Variants in CUBN observed in about 807,000 individuals in gnomAD.
The protein encoded by CUBN is cubilin.
Under a neutral mutation model 405.3 loss-of-function variants are expected in CUBN, and 282 were observed. The ratio of observed to expected loss-of-function variants is 0.70; its 90% CI spans 0.63 to 0.77. The LOEUF is 0.77. Ranked by LOEUF, CUBN falls within the 30% of genes least tolerant of loss-of-function variation. CUBN has a pLI of 0.00. For missense variants in CUBN, 4,514 were observed against 4,475.2 expected (o/e 1.01, Z -0.25); for synonymous variants, 1,684 against 1,617.0 (o/e 1.04, Z -0.99).
At chr10:16,858,278 G>T (rs1429818694) in intron 59 of CUBN, among the ~76,000 whole-genome samples, 2 of 152,052 alleles carry the variant, frequency 1.3e-5, no homozygotes, top group African/African-American at 4.8e-5. Context: ...TCTCAGCAAG[G>T]TTTTTCTGCA....
chr10:17,105,342 T>G lies in CUBN; in HGVS notation c.1230+115A>C. The G allele has an allele frequency of 6.4e-6, 5 of 784,724 alleles. No individual in the cohort carries two copies. The South Asian group carries it at 6.8e-5, about 11-fold the overall frequency. 48.6% of individuals were successfully genotyped at this position (784,724 alleles called of 1,614,324 possible). A position where few individuals can be genotyped will look rare whatever the true frequency, so the allele number is the denominator to read the frequency against. Reference sequence around the variant, plus strand: ...TCATCTGAGAGTTCTCGACAGTTCCTTATCTGAAACTTGACTCATTATCTT... The same window carrying G: ...TCATCTGAGAGTTCTCGACAGTTCCGTATCTGAAACTTGACTCATTATCTT... On this transcript the variant is annotated intron_variant, in intron 11 of 66. Coordinates refer to ENST00000377833, the MANE Select transcript of CUBN (RefSeq NM_001081.4).
intron 50 of CUBN, 60 bp from the exon 51 acceptor site, chr10:16,904,175 T>C (rs1841491673): frequency 6.6e-7 from 1 of 1,525,528 alleles, no homozygotes; most frequent in Non-Finnish European, 9.1e-7. Flanking sequence ...ATACATTCAA[T>C]GAATTTGATA....
chr10:17,057,608 C>G (rs541343939), intron 22 of CUBN, among the ~76,000 whole-genome samples: 1 of 152,024 alleles, frequency 6.6e-6, no homozygotes, highest in East Asian at 1.9e-4. Context: ...GTATTTTACG[C>G]AAGAGAATGA....
intron 29 of CUBN, among the ~76,000 whole-genome samples, chr10:16,984,928 C>T (rs1434363762): frequency 6.6e-6 from 1 of 152,220 alleles, no homozygotes; most frequent in African/African-American, 2.4e-5. Flanking sequence ...GCTATGCACC[C>T]TCCCTGTGCC....
chr10:17,048,356 T>C (rs1377108754), intron 22 of CUBN, among the ~76,000 whole-genome samples: 1 of 152,264 alleles, frequency 6.6e-6, no homozygotes, highest in Non-Finnish European at 1.5e-5. Context: ...TAAAAACTTT[T>C]CTAGTTTAAC....
At position 16,918,819 on chromosome 10, in the gene CUBN, T is replaced by G. The variant is rs1357254092; in HGVS notation, c.6822-19A>C. 1.2e-6 allele frequency: 2 copies of G among 1,610,882 alleles called. No homozygotes were observed. Among genetic ancestry groups the G allele is most frequent in the African/African-American group, 1.3e-5 (1 of 74,782 alleles). ...AGTACAGCTGAAGTGGGAACAAAATTCTGTTAAATTTACATGGTCAGATGC... is the reference window on the plus strand; with the variant it reads ...AGTACAGCTGAAGTGGGAACAAAATGCTGTTAAATTTACATGGTCAGATGC... On this transcript the variant is annotated intron_variant, in intron 44 of 66. Coordinates refer to ENST00000377833, the MANE Select transcript of CUBN (RefSeq NM_001081.4).
At chr10:17,045,238 A>C in intron 24 of CUBN, 50 bp from the exon 25 acceptor site, 3 of 1,579,390 alleles carry the variant, frequency 1.9e-6, no homozygotes, top group Non-Finnish European at 2.6e-6. Context: ...TTCTGGGGAA[A>C]TTGAATCTTT....
intron 14 of CUBN, among the ~76,000 whole-genome samples, chr10:17,092,565 G>C (rs976370211): frequency 2.6e-5 from 4 of 152,152 alleles, no homozygotes; most frequent in African/African-American, 9.7e-5. Flanking sequence ...CCAAAACCAA[G>C]ATGGTGAGGA....
intron 14 of CUBN, among the ~76,000 whole-genome samples, chr10:17,097,405 T>C (rs186920079): frequency 2.7e-4 from 41 of 152,236 alleles, no homozygotes; most frequent in African/African-American, 9.1e-4. Flanking sequence ...TGAATCATAA[T>C]TTAAAGCCTT....
chr10:17,029,701 C>T (rs1249251409), intron 27 of CUBN, among the ~76,000 whole-genome samples: 1 of 152,218 alleles, frequency 6.6e-6, no homozygotes, highest in African/African-American at 2.4e-5. Context: ...TTCCAGGAAG[C>T]ATGACTCATC....
intron 59 of CUBN, among the ~76,000 whole-genome samples, chr10:16,852,714 T>C (rs1396744610): frequency 6.6e-6 from 1 of 152,210 alleles, no homozygotes; most frequent in Non-Finnish European, 1.5e-5. Flanking sequence ...ATCAAGTACT[T>C]TGCATAATAA....
chr10:17,101,498 A>T (rs557557741), intron 13 of CUBN, among the ~76,000 whole-genome samples: 74 of 96,784 alleles, frequency 7.6e-4, no homozygotes, highest in Middle Eastern at 4.2e-3. Flanking sequence ...CCCTCCTCAA[A>T]GGAAAAAAAA....
In CUBN at chr10:16,990,516, CTGTTAAAA is replaced by C. The variant is rs1564465791; in HGVS notation, c.4169-9_4169-2del. The C allele has an allele frequency of 1.2e-6, 2 of 1,614,106 alleles. No homozygotes were observed. Among genetic ancestry groups the C allele is most frequent in the Non-Finnish European group, 1.7e-6 (2 of 1,180,032 alleles). ...GCCCCAGACAGCTCTCCACCACAAC[CTGTTAAAA>C]CAGAAAGGTTCAGTCAGTTCAAAGT... On this transcript the variant is annotated splice_acceptor_variant and splice_polypyrimidine_tract_variant and intron_variant, in intron 28 of 66. Coordinates refer to ENST00000377833, the MANE Select transcript of CUBN (RefSeq NM_001081.4). LOFTEE classifies it high-confidence loss of function.
intron 20 of CUBN, 150 bp downstream of exon 20, chr10:17,068,455 A>C: frequency 1.1e-6 from 1 of 928,886 alleles, no homozygotes; most frequent in African/African-American, 1.7e-5. Flanking sequence ...TTTTGATATA[A>C]ATGTTGATTA....
rs1259433921 is a variant in CUBN at position 17,085,779 on chromosome 10, C to T, written c.1948-20G>A. Reference sequence around the variant, plus strand: ...TCGAATCTAAAACAAAAGGATGAATCATTAAGCTCAAAGTGGTCAGATTTT... The same window carrying T: ...TCGAATCTAAAACAAAAGGATGAATTATTAAGCTCAAAGTGGTCAGATTTT... On this transcript the variant is annotated intron_variant, in intron 15 of 66. Coordinates refer to ENST00000377833, the MANE Select transcript of CUBN (RefSeq NM_001081.4). The T allele has an allele frequency of 6.2e-7, 1 of 1,611,966 alleles. No individual in the cohort carries two copies. The highest frequency in any genetic ancestry group is 1.3e-5 in the African/African-American group (1 of 74,868).
intron 27 of CUBN, among the ~76,000 whole-genome samples, chr10:17,022,877 G>A (rs61842855): frequency 0.096 from 14,604 of 152,198 alleles, 1,024 homozygotes; most frequent in African/African-American, 0.19. Flanking sequence ...AGGCCTCTGA[G>A]CCCAGGCTAA....
intron 14 of CUBN, among the ~76,000 whole-genome samples, chr10:17,098,720 T>G (rs1333448322): frequency 6.6e-6 from 1 of 152,228 alleles, no homozygotes; most frequent in Admixed American, 6.5e-5. Context: ...TGAGTGAATT[T>G]AACAATGTAT....
In CUBN at chr10:16,937,632, T is replaced by G. The variant is rs1263159040; in HGVS notation, c.5886A>C (p.Ala1962=). The change falls in exon 39 of 67, where the codon GCA becomes GCC. Residue 1962 remains alanine, a synonymous_variant. Transcript: ENST00000377833. The stretch of plus-strand genomic sequence containing the variant: ...GTAAAACACCATCAGGTGCATCCAC[T>G]GCAAACCACTCCAGAAGGAATCCCT... ...SGKGFLLEWF[A]VDAPDGVLPT... is the part of the protein sequence containing the mutation. 6.2e-7 allele frequency: 1 copy of G among 1,613,990 alleles called. No homozygotes were observed. Among genetic ancestry groups the G allele is most frequent in the East Asian group, 2.2e-5 (1 of 44,856 alleles).
chr10:17,106,470 G>A (rs1397190570), intron 10 of CUBN, among the ~76,000 whole-genome samples: 3 of 150,036 alleles, frequency 2.0e-5, no homozygotes, highest in Non-Finnish European at 4.4e-5. Flanking sequence ...GGGGCATGGT[G>A]GCCTGTAGTC....
Sources: allele counts gnomAD v4.1 joint callset (sites outside exome capture counted in the v4.1 genomes callset), GRCh38; gene constraint gnomAD v4.1.1; transcripts MANE v1.5; gene names NCBI Gene and HGNC (gene_info 2026-07-23, HGNC 2026-07-21).